WDR20: variants seen among roughly 807,000 people sequenced by gnomAD.
WDR20 encodes WD repeat domain 20, also known as WD repeat-containing protein 20.
A neutral mutation model predicts 38.7 loss-of-function variants in WDR20; 3 were observed. The observed-to-expected ratio is 0.08, with a 90% CI of 0.04 to 0.20. The LOEUF (loss-of-function observed/expected upper bound fraction) is 0.20, where lower values mean the gene tolerates loss of function less well. Ranked by LOEUF, WDR20 falls within the 10% of genes least tolerant of loss-of-function variation. The probability of loss-of-function intolerance (pLI) is 1.00; values close to 1 mark genes in which losing one functional copy is unlikely to be tolerated. For synonymous variants in WDR20, 298 were observed against 285.6 expected, an observed-to-expected ratio of 1.04 and a Z score of -0.44; for missense variants, 559 against 727.7, an observed-to-expected ratio of 0.77 and a Z score of 2.67.
At chr14:102,174,961 C>G (rs1243291209) in intron 1 of WDR20, among the ~76,000 whole-genome samples, 1 of 152,028 alleles carries the variant, frequency 6.6e-6, no homozygotes, top group Non-Finnish European at 1.5e-5. Flanking sequence ...AGATATTAGT[C>G]CTTTGCTGGA....
intron 1 of WDR20, among the ~76,000 whole-genome samples, chr14:102,182,461 A>G (rs1016082739): frequency 6.6e-6 from 1 of 152,166 alleles, no homozygotes; most frequent in South Asian, 2.1e-4. Context: ...TGTGGTCTTA[A>G]TTGGTGTGAA....
rs932635464 is a variant in WDR20 at position 102,208,212 on chromosome 14, G to A, written c.433-391G>A. On this transcript the variant is annotated intron_variant, in intron 2 of 2. Coordinates refer to ENST00000342702, the MANE Select transcript of WDR20 (RefSeq NM_144574.4). The surrounding 1 kb of genome is among the most constrained non-coding windows in gnomAD (Gnocchi z 5.6). ...TCACAGGCTTCACCTGCAGGTCCTC[G>A]TAGAGGGGATACCACATGCAGATGC... Among the ~76,000 whole-genome samples, 4 of 152,220 alleles carry A rather than the reference G, an allele frequency of 2.6e-5. No individual in the cohort carries two copies. Among genetic ancestry groups the A allele is most frequent in the South Asian group, 2.1e-4 (1 of 4,830 alleles).
chr14:102,167,313 T>G (rs889392431), intron 1 of WDR20: 3 of 152,200 alleles, frequency 2.0e-5, no homozygotes, highest in African/African-American at 7.2e-5. Flanking sequence ...TCCTTGGGCT[T>G]AAGCTATCCT....
intron 1 of WDR20, among the ~76,000 whole-genome samples, chr14:102,155,940 T>TTC (rs2057267433): frequency 6.7e-6 from 1 of 150,022 alleles, no homozygotes; most frequent in South Asian, 2.1e-4. Context: ...ATTTTTAATT[T>TTC]TTTTTTTTTT....
intron 1 of WDR20, among the ~76,000 whole-genome samples, chr14:102,141,974 A>G (rs1006562488): frequency 6.6e-6 from 1 of 152,126 alleles, no homozygotes; most frequent in African/African-American, 2.4e-5. Flanking sequence ...CCTTATCTGG[A>G]TCTGGTAGCC....
At chr14:102,194,515 A>G (rs2059089311) in intron 1 of WDR20, among the ~76,000 whole-genome samples, 1 of 152,224 alleles carries the variant, frequency 6.6e-6, no homozygotes, top group South Asian at 2.1e-4. Flanking sequence ...TTTGAGAACC[A>G]CTGGGCTGCA....
At chr14:102,145,265 G>C (rs2053188904) in intron 1 of WDR20, among the ~76,000 whole-genome samples, 1 of 152,112 alleles carries the variant, frequency 6.6e-6, no homozygotes, top group South Asian at 2.1e-4. Flanking sequence ...GGGCCCAAAA[G>C]TAACTTGGGT....
At chr14:102,172,740 G>A (rs1442039517) in intron 1 of WDR20, among the ~76,000 whole-genome samples, 3 of 148,158 alleles carry the variant, frequency 2.0e-5, no homozygotes, top group Non-Finnish European at 4.5e-5. Context: ...CGGACGGGGC[G>A]GCTGCCGGGC....
intron 1 of WDR20, among the ~76,000 whole-genome samples, chr14:102,175,008 G>A (rs1204917418): frequency 6.6e-6 from 1 of 152,078 alleles, no homozygotes. Flanking sequence ...CAACCCTGTG[G>A]GTTGTTTACT....
chr14:102,163,992 C>G lies in WDR20; in HGVS notation c.249+23820C>G, dbSNP rs185505876. On this transcript the variant is annotated intron_variant, in intron 1 of 2. Transcript: ENST00000342702. ...TTAGCAAGACTGAAGGCATTATTAG[C>G]TCAGCTAATTTAAAAATGATGGCTG... Among the ~76,000 whole-genome samples the G allele has an allele frequency of 1.4e-3, 217 of 152,248 alleles. 2 individuals are homozygous for G. The highest frequency in any genetic ancestry group is 5.0e-3 in the African/African-American group (207 of 41,526).
Position 102,179,428 on chromosome 14 carries a change from A to T in WDR20, c.250-15510A>T, listed in dbSNP as rs780139679. Among the ~76,000 whole-genome samples the T allele has an allele frequency of 5.2e-4, 53 of 102,790 alleles. 1 individual carries two copies. Among genetic ancestry groups the T allele is most frequent in the Admixed American group, 4.3e-3 (32 of 7,478 alleles). The allele number at this position is 102,790 out of a possible 152,430, so 67.4% of individuals were successfully genotyped here. Reference sequence around the variant, plus strand: ...TGAACTTCTAACTTTTTTTTAAAGTATTTTTTTTTTTCTAAAAAAAAAAAA... The same window carrying T: ...TGAACTTCTAACTTTTTTTTAAAGTTTTTTTTTTTTTCTAAAAAAAAAAAA... On this transcript the variant is annotated intron_variant, in intron 1 of 2. Transcript: ENST00000342702.
chr14:102,184,287 C>T (rs377071334), intron 1 of WDR20, among the ~76,000 whole-genome samples: 1 of 152,154 alleles, frequency 6.6e-6, no homozygotes, highest in African/African-American at 2.4e-5. Context: ...TCTAACCTTC[C>T]GTGGAGTACA....
chr14:102,172,486 G>T (rs367892155), intron 1 of WDR20, among the ~76,000 whole-genome samples: 230 of 147,720 alleles, frequency 1.6e-3, no homozygotes, highest in African/African-American at 5.5e-3. Flanking sequence ...AGGGGCGGCC[G>T]GGCAGAGGCG....
At chr14:102,154,687 G>A (rs973086645) in intron 1 of WDR20, among the ~76,000 whole-genome samples, 1 of 152,146 alleles carries the variant, frequency 6.6e-6, no homozygotes, top group Non-Finnish European at 1.5e-5. Context: ...TCGGTACCTA[G>A]AACAGTGCTT....
chr14:102,174,043 C>CAAA (rs776153847), intron 1 of WDR20, among the ~76,000 whole-genome samples: 1 of 87,790 alleles, frequency 1.1e-5, no homozygotes, highest in Non-Finnish European at 2.3e-5. Context: ...GACTCCATCT[C>CAAA]AAAAAAAAAA....
intron 2 of WDR20, among the ~76,000 whole-genome samples, chr14:102,196,615 A>G (rs1223931614): frequency 1.3e-5 from 2 of 152,160 alleles, no homozygotes; most frequent in Admixed American, 1.3e-4. Context: ...ATGGTACAGA[A>G]TGCCGCTTAG....
rs116697135 is a variant in WDR20, at chr14:102,178,685, T to C, written c.250-16253T>C. 4.6e-3 allele frequency among the ~76,000 whole-genome samples: 692 copies of C among 151,868 alleles called. 6 individuals are homozygous for C. The highest frequency in any genetic ancestry group is 0.016 in the African/African-American group (643 of 41,418). ...TGGGCTAGTTTGAGAACCACTGCCT[T>C]ATAGGATCTAGTATTGGTTTACCTC... On this transcript the variant is annotated intron_variant, in intron 1 of 2. Coordinates refer to ENST00000342702, the MANE Select transcript of WDR20 (RefSeq NM_144574.4).
At chr14:102,181,482 CTT>C (rs72280704) in intron 1 of WDR20, among the ~76,000 whole-genome samples, 4 of 146,444 alleles carry the variant, frequency 2.7e-5, no homozygotes, top group Admixed American at 6.9e-5. Context: ...ACAAGTGTGA[CTT>C]TTTTTTTTTA....
At chr14:102,217,373 C>A (rs936565043), downstream of WDR20, among the ~76,000 whole-genome samples, 1 of 152,238 alleles carries the variant, frequency 6.6e-6, no homozygotes, top group African/African-American at 2.4e-5. Context: ...TCGTGCCCTT[C>A]ATCTGCGTGG....
Sources: allele counts gnomAD v4.1 joint callset (sites outside exome capture counted in the v4.1 genomes callset), GRCh38; gene constraint gnomAD v4.1.1; non-coding constraint Gnocchi (gnomAD v3.1); transcripts MANE v1.5; gene names NCBI Gene and HGNC (gene_info 2026-07-23, HGNC 2026-07-21).